The following BRINP1 variants were observed in gnomAD, a reference collection of about 807,000 sequenced individuals.
BRINP1 encodes BMP/retinoic acid inducible neural specific 1, also known as BMP/retinoic acid-inducible neural-specific protein 1.
Under a neutral mutation model 72.9 loss-of-function variants are expected in BRINP1, and 17 were observed. That is an observed-to-expected ratio of 0.23 (90% CI 0.16 to 0.35). The LOEUF (loss-of-function observed/expected upper bound fraction) is 0.35, where lower values mean the gene tolerates loss of function less well. BRINP1 is among the 10% of genes least tolerant of loss of function. BRINP1 has a pLI of 1.00. For synonymous variants in BRINP1, 418 were observed against 378.5 expected, an observed-to-expected ratio of 1.10 and a Z score of -1.21; for missense variants, 850 against 1,001.6, an observed-to-expected ratio of 0.85 and a Z score of 2.04.
intron 5 of BRINP1, among the ~76,000 whole-genome samples, chr9:119,217,202 A>C (rs368640527): frequency 6.6e-6 from 1 of 152,138 alleles, no homozygotes; most frequent in African/African-American, 2.4e-5. Context: ...GCCTGCTTCA[A>C]TGGGAACCAT....
At chr9:119,213,531 C>A in intron 6 of BRINP1, 3 of 345,408 alleles carry the variant, frequency 8.7e-6, no homozygotes, top group Non-Finnish European at 1.6e-5. Flanking sequence ...TAGAGATGGA[C>A]AGAAGTGTGT....
In BRINP1 at chr9:119,326,699, T is replaced by G. The variant is rs1366811851; in HGVS notation, c.-50-13294A>C. ...TTGGAGTGTTTATTGTAGGCCAGTT[T>G]GCTACAATTCAATAGATATTTCTTG... is the stretch of plus-strand genomic sequence containing the variant. On this transcript the variant is annotated intron_variant, in intron 1 of 7. Transcript: ENST00000265922. 2.0e-5 allele frequency among the ~76,000 whole-genome samples: 3 copies of G among 152,216 alleles called. No individual in the cohort carries two copies. In the East Asian group the frequency reaches 5.8e-4, roughly 29 times the overall value.
chr9:119,325,611 GACTA>G (rs1481087235), intron 1 of BRINP1, among the ~76,000 whole-genome samples: 1 of 152,074 alleles, frequency 6.6e-6, no homozygotes, highest in Non-Finnish European at 1.5e-5. Flanking sequence ...TTTGGAACAT[GACTA>G]ACTCTCACTT....
At chr9:119,209,832 CAG>C (rs1439970535) in intron 6 of BRINP1, among the ~76,000 whole-genome samples, 6 of 152,178 alleles carry the variant, frequency 3.9e-5, no homozygotes, top group African/African-American at 1.2e-4. Context: ...GCAGGTTCCA[CAG>C]AGAACTGAAA....
intron 2 of BRINP1, among the ~76,000 whole-genome samples, chr9:119,309,864 C>T (rs182624049): frequency 7.2e-5 from 11 of 152,128 alleles, no homozygotes; most frequent in African/African-American, 2.4e-4. Flanking sequence ...TTTTTTTGGT[C>T]ATCTCTATGT....
intron 7 of BRINP1, among the ~76,000 whole-genome samples, chr9:119,176,955 G>A (rs1323704899): frequency 1.3e-5 from 2 of 151,966 alleles, no homozygotes; most frequent in Non-Finnish European, 2.9e-5. Context: ...CGGACCTGGC[G>A]ATAAAACCTC....
intron 7 of BRINP1, among the ~76,000 whole-genome samples, chr9:119,182,525 T>C (rs1196399274): frequency 6.6e-6 from 1 of 152,202 alleles, no homozygotes; most frequent in East Asian, 1.9e-4. Flanking sequence ...GATGGTGCCT[T>C]TGCGAGCTAA....
At chr9:119,201,545 A>AT (rs1261641150) in intron 7 of BRINP1, among the ~76,000 whole-genome samples, 1 of 152,162 alleles carries the variant, frequency 6.6e-6, no homozygotes, top group Non-Finnish European at 1.5e-5. Flanking sequence ...GTGAGGTACA[A>AT]TTTTTTCACT....
At chr9:119,262,439 C>T (rs1051929657) in intron 2 of BRINP1, among the ~76,000 whole-genome samples, 3 of 151,644 alleles carry the variant, frequency 2.0e-5, no homozygotes, top group African/African-American at 7.3e-5. Flanking sequence ...CAAGACCAGC[C>T]TGGCCAATAT....
chr9:119,319,173 T>C (rs1271233327), intron 1 of BRINP1, among the ~76,000 whole-genome samples: 1 of 151,998 alleles, frequency 6.6e-6, no homozygotes, highest in African/African-American at 2.4e-5. Flanking sequence ...ATAACCTGAG[T>C]GGCAAATTGG....
intron 1 of BRINP1, among the ~76,000 whole-genome samples, chr9:119,349,239 T>C (rs770269653): frequency 2.2e-4 from 33 of 152,146 alleles, no homozygotes; most frequent in Non-Finnish European, 4.3e-4. Flanking sequence ...CCAAAATGTG[T>C]GGTGCCTGGA....
intron 2 of BRINP1, among the ~76,000 whole-genome samples, chr9:119,261,339 A>C (rs1360349488): frequency 6.6e-6 from 1 of 152,186 alleles, no homozygotes; most frequent in Non-Finnish European, 1.5e-5. Flanking sequence ...TTTCAGTCAA[A>C]AATTAGTCAT....
intron 1 of BRINP1, among the ~76,000 whole-genome samples, chr9:119,356,643 A>G (rs1831569733): frequency 1.3e-5 from 2 of 152,012 alleles, no homozygotes; most frequent in African/African-American, 4.8e-5. Context: ...CATCTCTACT[A>G]AAAATACAAA....
At chr9:119,181,406 T>G (rs2118838703) in intron 7 of BRINP1, among the ~76,000 whole-genome samples, 1 of 152,292 alleles carries the variant, frequency 6.6e-6, no homozygotes, top group Non-Finnish European at 1.5e-5. Context: ...CTATTTGACC[T>G]TGGATATTTG....
chr9:119,256,013 G>A (rs549448833), intron 2 of BRINP1, among the ~76,000 whole-genome samples: 1 of 147,540 alleles, frequency 6.8e-6, no homozygotes, highest in East Asian at 2.0e-4. Flanking sequence ...CTGGCTCTGT[G>A]CTCTTGGGAC....
chr9:119,264,862 G>A (rs1488603408), intron 2 of BRINP1, among the ~76,000 whole-genome samples: 3 of 152,022 alleles, frequency 2.0e-5, no homozygotes, highest in African/African-American at 4.8e-5. Flanking sequence ...TAGTAGAGAC[G>A]GGATTTCACC....
intron 2 of BRINP1, among the ~76,000 whole-genome samples, chr9:119,289,319 T>C (rs536254041): frequency 2.6e-5 from 4 of 152,262 alleles, no homozygotes; most frequent in Non-Finnish European, 4.4e-5. Context: ...AGCTAGAGGA[T>C]TGGTATTCTC....
intron 1 of BRINP1, among the ~76,000 whole-genome samples, chr9:119,358,622 A>T (rs1831596476): frequency 6.6e-6 from 1 of 152,192 alleles, no homozygotes; most frequent in African/African-American, 2.4e-5. Flanking sequence ...TGAATCCGGA[A>T]GGCGGAGGTT....
chr9:119,334,500 G>C (rs1438839140), intron 1 of BRINP1, among the ~76,000 whole-genome samples: 1 of 152,182 alleles, frequency 6.6e-6, no homozygotes, highest in Non-Finnish European at 1.5e-5. Flanking sequence ...GTCAGAAGCA[G>C]GGTTATTTGT....
Sources: allele counts gnomAD v4.1 joint callset (sites outside exome capture counted in the v4.1 genomes callset), GRCh38; gene constraint gnomAD v4.1.1; transcripts MANE v1.5; gene names NCBI Gene and HGNC (gene_info 2026-07-23, HGNC 2026-07-21).